MGAT4D: variants seen among roughly 807,000 people sequenced by gnomAD.
The protein encoded by MGAT4D is MGAT4 family member D.
In MGAT4D, 34 loss-of-function variants were observed where a neutral mutation model predicts 15.9. The observed-to-expected ratio is 2.14, with a 90% CI of 1.62 to 2.84. The LOEUF (loss-of-function observed/expected upper bound fraction) is 2.84, where lower values mean the gene tolerates loss of function less well. Ranked by LOEUF, MGAT4D falls within the 30% of genes most tolerant of loss-of-function variation. The probability of loss-of-function intolerance (pLI) is 0.00; values close to 1 mark genes in which losing one functional copy is unlikely to be tolerated. For synonymous variants in MGAT4D, 112 were observed against 48.2 expected (o/e 2.33, Z -5.49); for missense variants, 327 against 140.2 (o/e 2.33, Z -6.73).
intron 2 of MGAT4D, 62 bp downstream of exon 2, chr4:140,482,265 A>T: frequency 1.8e-6 from 1 of 567,510 alleles, no homozygotes; most frequent in Non-Finnish European, 3.1e-6. Flanking sequence ...AGGCCCTAAA[A>T]TCATAAGACA....
chr4:140,467,164 C>T (rs1375845174), intron 5 of MGAT4D, among the ~76,000 whole-genome samples: 3 of 151,502 alleles, frequency 2.0e-5, no homozygotes, highest in Non-Finnish European at 2.9e-5. Flanking sequence ...TACTGGCTGC[C>T]CTCTGATTTT....
intron 8 of MGAT4D, chr4:140,457,619 T>A (rs570164143): frequency 1.3e-5 from 2 of 152,262 alleles, no homozygotes; most frequent in African/African-American, 4.8e-5. Context: ...GCTATTATGA[T>A]AACTAAAAGA....
At chr4:140,450,994 T>A (rs1213275497) in intron 10 of MGAT4D, among the ~76,000 whole-genome samples, 10 of 152,304 alleles carry the variant, frequency 6.6e-5, no homozygotes, top group Middle Eastern at 3.4e-3. Context: ...TTTTTCTTCA[T>A]CTGGCAAAAC....
chr4:140,476,994 A>C (rs774106426), intron 3 of MGAT4D, among the ~76,000 whole-genome samples: 15 of 152,184 alleles, frequency 9.9e-5, no homozygotes, highest in Non-Finnish European at 2.2e-4. Context: ...TAATAAATTG[A>C]AATTGAATAA....
chr4:140,456,572 A>G lies in MGAT4D; in HGVS notation c.1008+17T>C, dbSNP rs540685058. 2.1e-4 allele frequency: 127 copies of G among 617,946 alleles called. 1 individual carries two copies. Among genetic ancestry groups the G allele is most frequent in the African/African-American group, 2.0e-3 (107 of 53,808 alleles). The allele number at this position is 617,946 out of a possible 1,614,324, so 38.3% of individuals were successfully genotyped here. A position where few individuals can be genotyped will look rare whatever the true frequency, so the allele number is the denominator to read the frequency against. ...ATTTTTCCTAAAATATTTGGTATTC[A>G]TAAAGTAAATACTCACAAGATCTTC... On this transcript the variant is annotated intron_variant, in intron 9 of 10. Transcript: ENST00000511113.
intron 10 of MGAT4D, among the ~76,000 whole-genome samples, chr4:140,443,911 C>T (rs1439259719): frequency 1.3e-5 from 2 of 151,940 alleles, no homozygotes; most frequent in African/African-American, 4.8e-5. Context: ...AGAAATTCTG[C>T]TTTTAATATA....
chr4:140,494,129 C>T (rs1298626219), intron 1 of MGAT4D, among the ~76,000 whole-genome samples: 2 of 152,126 alleles, frequency 1.3e-5, no homozygotes. Flanking sequence ...CAATGACAAC[C>T]CACCACACTG....
chr4:140,493,577 G>C (rs1400175048), intron 1 of MGAT4D, among the ~76,000 whole-genome samples: 2 of 152,098 alleles, frequency 1.3e-5, no homozygotes, highest in East Asian at 1.9e-4. Context: ...TTACAGGCAT[G>C]AGCCACCGTG....
intron 1 of MGAT4D, among the ~76,000 whole-genome samples, chr4:140,483,057 A>G (rs2126832147): frequency 6.6e-6 from 1 of 152,302 alleles, no homozygotes; most frequent in South Asian, 2.1e-4. Flanking sequence ...TGTATAATAT[A>G]CTTAATATTT....
chr4:140,464,231 T>C (rs1731379321), intron 6 of MGAT4D, among the ~76,000 whole-genome samples: 1 of 152,234 alleles, frequency 6.6e-6, no homozygotes, highest in Non-Finnish European at 1.5e-5. Context: ...CTTTTTCTGA[T>C]TTCTGGCATG....
intron 1 of MGAT4D, among the ~76,000 whole-genome samples, chr4:140,485,336 A>G (rs1733033706): frequency 6.6e-6 from 1 of 151,930 alleles, no homozygotes; most frequent in Admixed American, 6.6e-5. Flanking sequence ...TCAGTCATAG[A>G]TGGGAATTGA....
intron 10 of MGAT4D, among the ~76,000 whole-genome samples, chr4:140,445,771 T>G (rs1048260423): frequency 6.6e-5 from 10 of 152,198 alleles, no homozygotes; most frequent in African/African-American, 2.4e-4. Context: ...CCCAGCGCCA[T>G]TTATTGAATA....
chr4:140,472,363 A>C (rs541241558), intron 4 of MGAT4D, among the ~76,000 whole-genome samples: 1 of 152,314 alleles, frequency 6.6e-6, no homozygotes, highest in African/African-American at 2.4e-5. Flanking sequence ...GACTCCTGCA[A>C]AAAGCTTTTG....
intron 1 of MGAT4D, among the ~76,000 whole-genome samples, chr4:140,490,185 T>C (rs1578721458): frequency 6.6e-6 from 1 of 152,184 alleles, no homozygotes; most frequent in East Asian, 1.9e-4. Flanking sequence ...TATTCAACAT[T>C]TATGTTGCAC....
Position 140,458,445 on chromosome 4 carries a change from A to G in MGAT4D, c.877+1067T>C, listed in dbSNP as rs1263471174. 3.9e-5 allele frequency: 6 copies of G among 152,350 alleles called. 1 individual carries two copies. The highest frequency in any genetic ancestry group is 3.9e-4 in the Admixed American group (6 of 15,296). 9.4% of individuals were successfully genotyped at this position (152,350 alleles called of 1,614,324 possible). On this transcript the variant is annotated intron_variant, in intron 8 of 10. Transcript: ENST00000511113. ...CTGGATGACAGATGAAAGCACAGAC[A>G]GTGAATGCTGGAAGTGAATTTGGAT...
intron 1 of MGAT4D, among the ~76,000 whole-genome samples, chr4:140,491,073 C>G (rs922457793): frequency 9.9e-5 from 15 of 152,214 alleles, no homozygotes; most frequent in African/African-American, 3.4e-4. Context: ...CCATTTCCCT[C>G]TCTTACCTTT....
At chr4:140,493,561 C>T (rs1733646157) in intron 1 of MGAT4D, among the ~76,000 whole-genome samples, 1 of 152,070 alleles carries the variant, frequency 6.6e-6, no homozygotes, top group South Asian at 2.1e-4. Context: ...TCCCAAAGTG[C>T]TGAGATTACA....
At chr4:140,473,912 G>A in intron 4 of MGAT4D, among the ~76,000 whole-genome samples, 1 of 151,620 alleles carries the variant, frequency 6.6e-6, no homozygotes, top group East Asian at 1.9e-4. Flanking sequence ...ATGTTGCCCA[G>A]GCTGATTTCA....
intron 7 of MGAT4D, among the ~76,000 whole-genome samples, chr4:140,460,493 T>C (rs548521753): frequency 6.6e-6 from 1 of 152,314 alleles, no homozygotes; most frequent in South Asian, 2.1e-4. Flanking sequence ...TCCCACAGGC[T>C]CCACCTCCAA....
Sources: allele counts gnomAD v4.1 joint callset (sites outside exome capture counted in the v4.1 genomes callset), GRCh38; gene constraint gnomAD v4.1.1; transcripts MANE v1.5; gene names NCBI Gene and HGNC (gene_info 2026-07-23, HGNC 2026-07-21).